MPZL1: variants seen among roughly 807,000 people sequenced by gnomAD.
MPZL1 encodes myelin protein zero-like protein 1.
MPZL1 carries 16 observed loss-of-function variants against 29.3 expected under a neutral mutation model. The ratio of observed to expected loss-of-function variants is 0.55; its 90% CI spans 0.37 to 0.83. The LOEUF is 0.83. Ranked by LOEUF, MPZL1 falls within the 40% of genes least tolerant of loss-of-function variation. The probability of loss-of-function intolerance (pLI) is 0.00; values close to 1 mark genes in which losing one functional copy is unlikely to be tolerated. For missense variants in MPZL1, 279 were observed against 332.9 expected, an observed-to-expected ratio of 0.84 and a Z score of 1.26; for synonymous variants, 143 against 132.0, an observed-to-expected ratio of 1.08 and a Z score of -0.57.
At chr1:167,731,251 A>C (rs1465505781) in intron 1 of MPZL1, among the ~76,000 whole-genome samples, 1 of 152,090 alleles carries the variant, frequency 6.6e-6, no homozygotes, top group Admixed American at 6.5e-5. Flanking sequence ...CCTGGCCAAC[A>C]TGATGAAACC....
At chr1:167,780,601 G>A (rs1661478178) in intron 5 of MPZL1, among the ~76,000 whole-genome samples, 1 of 152,072 alleles carries the variant, frequency 6.6e-6, no homozygotes, top group African/African-American at 2.4e-5. Flanking sequence ...GCTACAACAT[G>A]GATGAATCTT....
intron 3 of MPZL1, 73 bp downstream of exon 3, chr1:167,772,561 G>C: frequency 2.2e-6 from 3 of 1,380,944 alleles, no homozygotes; most frequent in Non-Finnish European, 3.0e-6. Context: ...AACATGAGTT[G>C]CATTTCATGG....
chr1:167,781,794 C>T (rs377276757), intron 5 of MPZL1, among the ~76,000 whole-genome samples: 6 of 152,180 alleles, frequency 3.9e-5, no homozygotes, highest in East Asian at 3.9e-4. Context: ...GGCTGCTTTT[C>T]GGATCTTCTT....
chr1:167,748,278 AT>A (rs1462509498), intron 1 of MPZL1, among the ~76,000 whole-genome samples: 3 of 152,134 alleles, frequency 2.0e-5, no homozygotes, highest in Admixed American at 6.6e-5. Context: ...GAGAGTTCTA[AT>A]TTCTCTACAT....
chr1:167,787,600 G>A (rs1661615829), intron 5 of MPZL1, among the ~76,000 whole-genome samples: 1 of 152,120 alleles, frequency 6.6e-6, no homozygotes, highest in Admixed American at 6.5e-5. Context: ...ATGTAACAAA[G>A]CCCCATGTAC....
intron 1 of MPZL1, among the ~76,000 whole-genome samples, chr1:167,764,079 T>G (rs1042254905): frequency 5.9e-5 from 9 of 152,198 alleles, no homozygotes; most frequent in Admixed American, 6.5e-5. Flanking sequence ...TGCCCGTCTG[T>G]TACATTCTAA....
intron 1 of MPZL1, among the ~76,000 whole-genome samples, chr1:167,722,605 A>G (rs7548729): frequency 0.12 from 18,290 of 152,166 alleles, 1,675 homozygotes; most frequent in African/African-American, 0.25. Flanking sequence ...TGGATCGTCT[A>G]GGCCCTCCCG....
At chr1:167,735,094 G>C (rs1232757844) in intron 1 of MPZL1, among the ~76,000 whole-genome samples, 3 of 152,194 alleles carry the variant, frequency 2.0e-5, no homozygotes, top group African/African-American at 7.2e-5. Flanking sequence ...TTTCTGTTCA[G>C]ATATGTAGTG....
At position 167,738,543 on chromosome 1, in the gene MPZL1, T is replaced by G. The variant is rs140338461; in HGVS notation, c.91+16301T>G. On this transcript the variant is annotated intron_variant, in intron 1 of 5. Coordinates refer to ENST00000359523, the MANE Select transcript of MPZL1 (RefSeq NM_003953.6). ...GTCCCCACCCAAATATCATTTTGAA[T>G]TGTAATCCCCAGTGTTGGAGGTGGG... Among the ~76,000 whole-genome samples the G allele has an allele frequency of 2.2e-3, 340 of 152,332 alleles. 3 individuals carry two copies. The highest frequency in any genetic ancestry group is 7.8e-3 in the African/African-American group (326 of 41,590).
chr1:167,775,938 A>G (rs1046726008), intron 4 of MPZL1, 126 bp from the exon 5 acceptor site: 2 of 531,358 alleles, frequency 3.8e-6, no homozygotes, highest in Non-Finnish European at 6.2e-6. Flanking sequence ...ACCCATTGTT[A>G]TGTTGTCTTT....
At chr1:167,763,938 A>C (rs868384141) in intron 1 of MPZL1, among the ~76,000 whole-genome samples, 1 of 152,218 alleles carries the variant, frequency 6.6e-6, no homozygotes, top group African/African-American at 2.4e-5. Flanking sequence ...CTGAGAATAA[A>C]CATTTGCAAG....
intron 2 of MPZL1, among the ~76,000 whole-genome samples, chr1:167,769,346 A>G (rs1661191263): frequency 6.6e-6 from 1 of 152,150 alleles, no homozygotes; most frequent in African/African-American, 2.4e-5. Context: ...TCTTGAGTAT[A>G]GTAAAGGTAG....
chr1:167,774,038 T>C (rs936410947), intron 4 of MPZL1: 9 of 152,672 alleles, frequency 5.9e-5, no homozygotes, highest in African/African-American at 1.7e-4. Context: ...GTAGCTTTAT[T>C]GCTTTGATCA....
At chr1:167,740,772 T>C (rs1184998184) in intron 1 of MPZL1, among the ~76,000 whole-genome samples, 1 of 152,196 alleles carries the variant, frequency 6.6e-6, no homozygotes, top group Admixed American at 6.6e-5. Context: ...GGTCTCAAGG[T>C]CTCATTGACA....
Position 167,788,195 on chromosome 1 carries a change from A to G in MPZL1, c.*274A>G, listed in dbSNP as rs1661629031. 8.8e-6 allele frequency: 3 copies of G among 342,150 alleles called. No homozygotes were observed. Among genetic ancestry groups the G allele is most frequent in the African/African-American group, 2.1e-5 (1 of 47,556 alleles). The allele number at this position is 342,150 out of a possible 1,614,324, so 21.2% of individuals were successfully genotyped here. ...TGTTTTTGTACTTTCTTTTCAGGTC[A>G]TTTACAATTGGGAGATTTCAGAAAC... On this transcript the variant is annotated 3_prime_UTR_variant, in exon 6 of 6. Coordinates refer to ENST00000359523, the MANE Select transcript of MPZL1 (RefSeq NM_003953.6).
rs567624742 is a variant in MPZL1 at position 167,722,124 on chromosome 1, C to T, written c.-28C>T. 7.3e-6 allele frequency: 9 copies of T among 1,233,846 alleles called. No individual in the cohort carries two copies. The highest frequency in any genetic ancestry group is 4.1e-5 in the South Asian group (1 of 24,436). The allele number at this position is 1,233,846 out of a possible 1,614,324, so 76.4% of individuals were successfully genotyped here. On this transcript the variant is annotated 5_prime_UTR_variant, in exon 1 of 6. Transcript: ENST00000359523. Reference sequence around the variant, plus strand: ...GGACCCGGGCTCAGGGACGCGGCGGCGGCGGCGGCGACTGCAGTGGCTGGA... The same window carrying T: ...GGACCCGGGCTCAGGGACGCGGCGGTGGCGGCGGCGACTGCAGTGGCTGGA...
intron 2 of MPZL1, among the ~76,000 whole-genome samples, chr1:167,770,119 T>G (rs541699226): frequency 1.3e-5 from 2 of 152,126 alleles, no homozygotes; most frequent in Non-Finnish European, 2.9e-5. Flanking sequence ...GGGACGCTAT[T>G]GATGGAGAGA....
chr1:167,786,734 T>A (rs1661601540), intron 5 of MPZL1, among the ~76,000 whole-genome samples: 2 of 152,202 alleles, frequency 1.3e-5, no homozygotes, highest in South Asian at 4.1e-4. Flanking sequence ...TGGATGAGGG[T>A]AAGTGTGTTT....
intron 1 of MPZL1, among the ~76,000 whole-genome samples, chr1:167,760,533 A>G (rs1333770759): frequency 1.3e-5 from 2 of 152,032 alleles, no homozygotes; most frequent in African/African-American, 2.4e-5. Context: ...TAGAGATGAC[A>G]TGTGTAGCTG....
Sources: gnomAD v4.1 joint callset for allele counts (sites outside exome capture counted in the v4.1 genomes callset) on GRCh38, gnomAD v4.1.1 for gene constraint, MANE v1.5 for transcripts, NCBI Gene and HGNC (gene_info 2026-07-23, HGNC 2026-07-21) for gene names.